Variants in ACVR1 observed in about 807,000 individuals in gnomAD.
The protein encoded by ACVR1 is activin receptor type-1.
Under a neutral mutation model 57.1 loss-of-function variants are expected in ACVR1, and 38 were observed. The ratio of observed to expected loss-of-function variants is 0.67; its 90% confidence interval spans 0.51 to 0.87. ACVR1 has a LOEUF of 0.87. Ranked by LOEUF, ACVR1 falls within the 40% of genes least tolerant of loss-of-function variation. ACVR1 has a pLI of 0.00. For missense variants in ACVR1, 463 were observed against 638.2 expected (o/e 0.73, Z 2.96); for synonymous variants, 212 against 228.1 (o/e 0.93, Z 0.63).
rs1690278606 is a variant in ACVR1 at position 157,875,962 on chromosome 2, C to A, written c.-349G>T. The A allele has an allele frequency of 6.7e-6, 1 of 149,686 alleles. No homozygotes were observed. Among genetic ancestry groups the A allele is most frequent in the African/African-American group, 2.4e-5 (1 of 40,890 alleles). 9.3% of individuals were successfully genotyped at this position (149,686 alleles called of 1,614,324 possible). A position where few individuals can be genotyped will look rare whatever the true frequency, so the allele number is the denominator to read the frequency against. On this transcript the variant is annotated 5_prime_UTR_variant, in exon 1 of 11. Transcript: ENST00000434821. ...CCGGGAGCCGGGGGCCGAGGGCCGG[C>A]CCAGAGCGGCGGCGGCTGCGGTGGC... is the stretch of plus-strand genomic sequence containing the variant.
At chr2:157,795,935 C>T (rs1574074934) in intron 3 of ACVR1, among the ~76,000 whole-genome samples, 1 of 152,090 alleles carries the variant, frequency 6.6e-6, no homozygotes, top group South Asian at 2.1e-4. Flanking sequence ...CTGCCCCATA[C>T]CACAGAGGCA....
intron 1 of ACVR1, chr2:157,838,437 T>C (rs367730387): frequency 2.8e-4 from 43 of 152,242 alleles, no homozygotes; most frequent in African/African-American, 1.0e-3. Flanking sequence ...TCAAGAATAA[T>C]ATTTAGGTGA....
At chr2:157,859,327 G>A (rs1689644867) in intron 1 of ACVR1, among the ~76,000 whole-genome samples, 1 of 152,228 alleles carries the variant, frequency 6.6e-6, no homozygotes, top group Non-Finnish European at 1.5e-5. Flanking sequence ...ATGTCAGGAA[G>A]TTATCCTATA....
intron 9 of ACVR1, 148 bp downstream of exon 9, chr2:157,760,732 C>T (rs1685613858): frequency 1.3e-6 from 1 of 747,864 alleles, no homozygotes; most frequent in Admixed American, 2.4e-5. Context: ...CTCCATCTAC[C>T]AGCCATAAAT....
chr2:157,820,543 A>G (rs1688125935), intron 1 of ACVR1, among the ~76,000 whole-genome samples: 1 of 151,412 alleles, frequency 6.6e-6, no homozygotes, highest in Non-Finnish European at 1.5e-5. Context: ...TATTTTTCTG[A>G]TTCTCTTTTT....
chr2:157,869,868 C>T (rs1287069617), intron 1 of ACVR1, among the ~76,000 whole-genome samples: 2 of 152,162 alleles, frequency 1.3e-5, no homozygotes, highest in Admixed American at 6.5e-5. Context: ...TCTAGATAAC[C>T]ACCTACACTT....
At chr2:157,748,141 C>T (rs1300322743) in intron 9 of ACVR1, among the ~76,000 whole-genome samples, 2 of 152,156 alleles carry the variant, frequency 1.3e-5, no homozygotes, top group African/African-American at 4.8e-5. Context: ...TTCCAACTGA[C>T]TACTATTAAT....
intron 1 of ACVR1, among the ~76,000 whole-genome samples, chr2:157,826,817 AAGGGGAG>A (rs200304076): frequency 0.016 from 2,219 of 139,470 alleles, 59 homozygotes; most frequent in Non-Finnish European, 0.024. Context: ...AAGGAAAGGA[AAGGGGAG>A]AGGGGAGAGG....
chr2:157,855,299 TGTGTGTG>T (rs1689477578), intron 1 of ACVR1, among the ~76,000 whole-genome samples: 1 of 81,878 alleles, frequency 1.2e-5, no homozygotes, highest in African/African-American at 4.6e-5. Flanking sequence ...TGTGTGTGTG[TGTGTGTG>T]TGTATATATA....
At chr2:157,852,402 T>C (rs956804275) in intron 1 of ACVR1, among the ~76,000 whole-genome samples, 4 of 148,918 alleles carry the variant, frequency 2.7e-5, no homozygotes, top group African/African-American at 7.5e-5. Flanking sequence ...GAGGCTGATG[T>C]GGGAGAACTG....
In ACVR1 at chr2:157,875,888, G is replaced by GGCGGC. The variant is rs1489811522; in HGVS notation, c.-276_-275insGCCGC. Reference sequence around the variant, plus strand: ...GTCGGCGCGGCGCGGGGCGGCGCGGGGCGGGGCGGGGCGGTGCAGCCGGCG... The same window carrying GGCGGC: ...GTCGGCGCGGCGCGGGGCGGCGCGGGGCGGCGCGGGGCGGGGCGGTGCAGCCGGCG... On this transcript the variant is annotated 5_prime_UTR_variant, in exon 1 of 11. Transcript: ENST00000434821. 1 of 147,314 alleles carries GGCGGC rather than the reference G, an allele frequency of 6.8e-6. No individual in the cohort carries two copies. The highest frequency in any genetic ancestry group is 1.5e-5 in the Non-Finnish European group (1 of 66,010). The allele number at this position is 147,314 out of a possible 1,614,324, so 9.1% of individuals were successfully genotyped here.
chr2:157,813,359 T>C (rs1383879122), intron 2 of ACVR1, among the ~76,000 whole-genome samples: 3 of 152,144 alleles, frequency 2.0e-5, no homozygotes, highest in African/African-American at 7.2e-5. Context: ...TTCAGTAAAA[T>C]TGGAATGACT....
chr2:157,828,170 G>A (rs1175988702), intron 1 of ACVR1, among the ~76,000 whole-genome samples: 2 of 151,922 alleles, frequency 1.3e-5, no homozygotes, highest in African/African-American at 2.4e-5. Flanking sequence ...ACAAAAGGCC[G>A]GGCGCTGGGG....
chr2:157,769,956 A>AT (rs1686013461), intron 7 of ACVR1, among the ~76,000 whole-genome samples: 1 of 152,228 alleles, frequency 6.6e-6, no homozygotes, highest in South Asian at 2.1e-4. Context: ...TGTGCATTTA[A>AT]TTACGATATC....
At position 157,850,921 on chromosome 2, in the gene ACVR1, C is replaced by T. The variant is rs1327885939; in HGVS notation, c.-183+24875G>A. ...GTAATGAGTCGAGATCGCGCCACTGCACTCCAGTCTGGGCAACAGAGTAAG... is the reference window on the plus strand; with the variant it reads ...GTAATGAGTCGAGATCGCGCCACTGTACTCCAGTCTGGGCAACAGAGTAAG... On this transcript the variant is annotated intron_variant, in intron 1 of 10. Coordinates refer to ENST00000434821, the MANE Select transcript of ACVR1 (RefSeq NM_001111067.4). Among the ~76,000 whole-genome samples the T allele has an allele frequency of 3.3e-5, 5 of 152,134 alleles. No individual in the cohort carries two copies. The East Asian group carries it at 9.7e-4, about 29-fold the overall frequency.
At chr2:157,845,726 A>G (rs189496608) in intron 1 of ACVR1, among the ~76,000 whole-genome samples, 4 of 152,328 alleles carry the variant, frequency 2.6e-5, no homozygotes, top group East Asian at 3.9e-4. Flanking sequence ...GGAGGCAACA[A>G]TGAGAAAATG....
chr2:157,773,170 C>T (rs1287573692), intron 6 of ACVR1, among the ~76,000 whole-genome samples: 4 of 152,066 alleles, frequency 2.6e-5, no homozygotes, highest in South Asian at 2.1e-4. Context: ...CCCTGCAAGC[C>T]GTCTAAAAGA....
intron 9 of ACVR1, among the ~76,000 whole-genome samples, chr2:157,757,021 G>GAGAT (rs1374219000): frequency 7.5e-5 from 8 of 106,434 alleles, no homozygotes; most frequent in African/African-American, 3.5e-4. Flanking sequence ...ATATATATTT[G>GAGAT]ATATATATAT....
chr2:157,740,356 C>A (rs1684704666), intron 9 of ACVR1, among the ~76,000 whole-genome samples: 1 of 152,140 alleles, frequency 6.6e-6, no homozygotes, highest in African/African-American at 2.4e-5. Context: ...AGAGGCCCTT[C>A]TTCTCCTGTA....
Sources: gnomAD v4.1 joint callset for allele counts (sites outside exome capture counted in the v4.1 genomes callset) on GRCh38, gnomAD v4.1.1 for gene constraint, MANE v1.5 for transcripts, NCBI Gene and HGNC (gene_info 2026-07-23, HGNC 2026-07-21) for gene names.